Variants in CTDSPL2 observed in about 807,000 individuals in gnomAD.
The protein encoded by CTDSPL2 is CTD small phosphatase-like protein 2.
A neutral mutation model predicts 60.0 loss-of-function variants in CTDSPL2; 5 were observed. The observed-to-expected ratio is 0.08, with a 90% confidence interval of 0.04 to 0.18. CTDSPL2 has a LOEUF of 0.18. Among genes scored for constraint, CTDSPL2 ranks in the 10% least tolerant of loss-of-function variants. The pLI, the probability that CTDSPL2 is intolerant of heterozygous loss-of-function variation, is 1.00. For missense variants in CTDSPL2, 370 were observed against 548.8 expected, an observed-to-expected ratio of 0.67 and a Z score of 3.26; for synonymous variants, 186 against 189.3, an observed-to-expected ratio of 0.98 and a Z score of 0.14.
chr15:44,491,229 T>C (rs956172038), intron 5 of CTDSPL2, among the ~76,000 whole-genome samples: 1 of 152,214 alleles, frequency 6.6e-6, no homozygotes, highest in African/African-American at 2.4e-5. Context: ...AGTTTAATTA[T>C]TACTACTAAT....
At chr15:44,460,512 T>C (rs189201728) in intron 2 of CTDSPL2, among the ~76,000 whole-genome samples, 9 of 152,318 alleles carry the variant, frequency 5.9e-5, no homozygotes, top group African/African-American at 2.2e-4. Flanking sequence ...TAATTATTTA[T>C]ATGGTAAATT....
intron 1 of CTDSPL2, among the ~76,000 whole-genome samples, chr15:44,433,374 T>A (rs1268384388): frequency 6.7e-6 from 1 of 149,942 alleles, no homozygotes; most frequent in East Asian, 2.0e-4. Context: ...CGAAACAGTG[T>A]ACTAGTAGAA....
At chr15:44,429,637 G>T (rs1401351737) in intron 1 of CTDSPL2, among the ~76,000 whole-genome samples, 1 of 152,202 alleles carries the variant, frequency 6.6e-6, no homozygotes, top group African/African-American at 2.4e-5. Flanking sequence ...GGAGGCCAAG[G>T]CAGGCGGATC....
chr15:44,444,835 A>ATT (rs2080172120), intron 1 of CTDSPL2, among the ~76,000 whole-genome samples: 1 of 77,106 alleles, frequency 1.3e-5, no homozygotes, highest in East Asian at 5.8e-4. Context: ...TATGGAATGT[A>ATT]GTTTTTTTTT....
chr15:44,432,362 C>CA (rs1462423333), intron 1 of CTDSPL2, among the ~76,000 whole-genome samples: 1 of 151,902 alleles, frequency 6.6e-6, no homozygotes, highest in Admixed American at 6.6e-5. Flanking sequence ...CTCTGTCGCC[C>CA]AGGCTGGAGT....
rs189383802 is a variant in CTDSPL2, at chr15:44,513,359, C to A, written c.970-1239C>A. ...ATGAGCACCTGTAATCCCAGCTACT[C>A]CGGAGGCTGAGGCAGGAGAATCACT... On this transcript the variant is annotated intron_variant, in intron 8 of 12. Coordinates refer to ENST00000260327, the MANE Select transcript of CTDSPL2 (RefSeq NM_016396.3). Among the ~76,000 whole-genome samples, 721 of 152,090 alleles carry A rather than the reference C, an allele frequency of 4.7e-3. 4 individuals carry two copies. Among genetic ancestry groups the A allele is most frequent in the Non-Finnish European group, 8.0e-3 (543 of 67,992 alleles).
intron 1 of CTDSPL2, among the ~76,000 whole-genome samples, chr15:44,457,965 G>C (rs987806450): frequency 6.6e-6 from 1 of 152,056 alleles, no homozygotes; most frequent in Non-Finnish European, 1.5e-5. Flanking sequence ...TTGTTTTGTT[G>C]AGTTACTAAA....
intron 1 of CTDSPL2, among the ~76,000 whole-genome samples, chr15:44,439,233 C>G (rs899368217): frequency 1.3e-5 from 2 of 152,002 alleles, no homozygotes; most frequent in African/African-American, 4.8e-5. Flanking sequence ...ACTACAACCT[C>G]TGCCTCCTGG....
chr15:44,521,455 A>G (rs375950220), intron 12 of CTDSPL2, 49 bp downstream of exon 12: 1 of 962,258 alleles, frequency 1.0e-6, no homozygotes, highest in African/African-American at 1.7e-5. Context: ...GCTCAACTAT[A>G]TTGAAATAAA....
At chr15:44,478,443 A>C (rs1259536974) in intron 2 of CTDSPL2, among the ~76,000 whole-genome samples, 2 of 123,096 alleles carry the variant, frequency 1.6e-5, no homozygotes, top group Non-Finnish European at 3.3e-5. Flanking sequence ...GAAGAGCAAG[A>C]CTCTGTCTCA....
chr15:44,523,605 T>G (rs2140876597), intron 12 of CTDSPL2, among the ~76,000 whole-genome samples: 1 of 152,054 alleles, frequency 6.6e-6, no homozygotes, highest in Non-Finnish European at 1.5e-5. Context: ...GACCCTGTCA[T>G]TCATTCATTC....
rs191474576 is a variant in CTDSPL2 at position 44,438,668 on chromosome 15, T to G, written c.-25+10896T>G. ...GGTGGTATGGGAAAAGTGAATTCAG[T>G]TTTGGGTGAGTTGAATTTGAGGTAC... On this transcript the variant is annotated intron_variant, in intron 1 of 12. Transcript: ENST00000260327. Among the ~76,000 whole-genome samples the G allele has an allele frequency of 1.1e-4, 16 of 152,058 alleles. No individual in the cohort carries two copies. The East Asian group carries it at 3.1e-3, about 29-fold the overall frequency.
chr15:44,519,185 G>A lies in CTDSPL2; in HGVS notation c.1129G>A (p.Glu377Lys). Residue 377 changes from glutamate (E) to lysine (K), a missense_variant, in exon 11 of 13, where the codon GAA becomes AAA. By Grantham distance (56) the Glu-to-Lys change is moderately conservative. Around this residue, in one of 6 missense-constraint regions of CTDSPL2, gnomAD observed 46 missense variants for 126.0 expected, o/e 0.37. Transcript: ENST00000260327. ...TATGTTTAGGCACCGGCTTTTCCGT[G>A]AACATTGTGTTTGTGTACAAGGAAA... ...KQLVRHRLFR[E>K]HCVCVQGNYI... is the part of the protein sequence containing the mutation. 1.3e-6 allele frequency: 2 copies of A among 1,498,028 alleles called. No individual in the cohort carries two copies. Among genetic ancestry groups the A allele is most frequent in the South Asian group, 1.5e-5 (1 of 67,996 alleles). The allele number at this position is 1,498,028 out of a possible 1,614,324, so 92.8% of individuals were successfully genotyped here.
In CTDSPL2 at chr15:44,484,211, CTT is replaced by C. The variant is rs767349011; in HGVS notation, c.187-12_187-11del. 1.9e-6 allele frequency: 3 copies of C among 1,566,036 alleles called. No homozygotes were observed. The highest frequency in any genetic ancestry group is 2.4e-5 in the South Asian group (2 of 83,892). ...TTGTGCTTAGTGTGTTTTTTTTTCT[CTT>C]ATATCTTAAGGAAGAGAGAGAAAAT... is the stretch of plus-strand genomic sequence containing the variant. On this transcript the variant is annotated splice_polypyrimidine_tract_variant and intron_variant, in intron 2 of 12. Coordinates refer to ENST00000260327, the MANE Select transcript of CTDSPL2 (RefSeq NM_016396.3).
intron 2 of CTDSPL2, among the ~76,000 whole-genome samples, chr15:44,470,869 G>T (rs2140738939): frequency 6.6e-6 from 1 of 151,630 alleles, no homozygotes; most frequent in South Asian, 2.1e-4. Flanking sequence ...TTCCTTTCCT[G>T]TCATTTGAGT....
chr15:44,475,565 G>A (rs1304792459), intron 2 of CTDSPL2, among the ~76,000 whole-genome samples: 1 of 151,936 alleles, frequency 6.6e-6, no homozygotes, highest in African/African-American at 2.4e-5. Context: ...CTTGAACGTG[G>A]GAGGTGGAGT....
intron 8 of CTDSPL2, among the ~76,000 whole-genome samples, chr15:44,505,532 C>T (rs919040810): frequency 3.3e-5 from 5 of 151,906 alleles, no homozygotes; most frequent in Admixed American, 6.6e-5. Flanking sequence ...TCAGAGAGTT[C>T]GAGACCAGCC....
chr15:44,436,699 A>G (rs2079988248), intron 1 of CTDSPL2, among the ~76,000 whole-genome samples: 1 of 152,198 alleles, frequency 6.6e-6, no homozygotes, highest in African/African-American at 2.4e-5. Flanking sequence ...GCATGCATGT[A>G]TTATTTTTTA....
chr15:44,436,966 A>T (rs2141267865), intron 1 of CTDSPL2, among the ~76,000 whole-genome samples: 1 of 152,260 alleles, frequency 6.6e-6, no homozygotes, highest in South Asian at 2.1e-4. Flanking sequence ...CTTGGAAAGG[A>T]CCCAAGTTTA....
Sources: allele counts gnomAD v4.1 joint callset (sites outside exome capture counted in the v4.1 genomes callset), GRCh38; gene constraint gnomAD v4.1.1; regional missense constraint gnomAD v4.1.1; transcripts MANE v1.5; gene names NCBI Gene and HGNC (gene_info 2026-07-23, HGNC 2026-07-21).